TBX20: variants seen among roughly 807,000 people sequenced by gnomAD.
TBX20 encodes the protein T-box transcription factor TBX20.
TBX20 carries 8 observed loss-of-function variants against 42.9 expected under a neutral mutation model. That is an observed-to-expected ratio of 0.19 (90% CI 0.11 to 0.34). The LOEUF is 0.34. Among genes scored for constraint, TBX20 ranks in the 10% least tolerant of loss-of-function variants. The pLI is 1.00. For synonymous variants in TBX20, 198 were observed against 222.8 expected (o/e 0.89, Z 0.99); for missense variants, 411 against 566.0 (o/e 0.73, Z 2.78).
intron 6 of TBX20, among the ~76,000 whole-genome samples, chr7:35,207,738 C>G (rs1789423560): frequency 6.6e-6 from 1 of 152,146 alleles, no homozygotes; most frequent in African/African-American, 2.4e-5. Context: ...AGAAGACTGT[C>G]CCTTCTCCAT....
At chr7:35,241,322 T>A (rs763217217) in intron 4 of TBX20, among the ~76,000 whole-genome samples, 1 of 152,276 alleles carries the variant, frequency 6.6e-6, no homozygotes, top group African/African-American at 2.4e-5. Flanking sequence ...GTTTTACCTA[T>A]TTTTAAAAAT....
chr7:35,222,295 T>G (rs1315155545), intron 6 of TBX20, among the ~76,000 whole-genome samples: 4 of 152,086 alleles, frequency 2.6e-5, no homozygotes, highest in East Asian at 1.9e-4. Context: ...ACATGGCACA[T>G]GTGGAGTGTT....
chr7:35,223,780 G>A (rs542807527), intron 6 of TBX20, among the ~76,000 whole-genome samples: 2 of 152,154 alleles, frequency 1.3e-5, no homozygotes, highest in South Asian at 2.1e-4. Flanking sequence ...GGAAAGAAAT[G>A]GGAAAAGAGA....
chr7:35,230,791 T>A (rs1293515220), intron 6 of TBX20, among the ~76,000 whole-genome samples: 1 of 152,120 alleles, frequency 6.6e-6, no homozygotes, highest in East Asian at 1.9e-4. Flanking sequence ...CATAAAAGAA[T>A]TAGTGTGTTT....
intron 6 of TBX20, among the ~76,000 whole-genome samples, chr7:35,207,139 A>T (rs552946798): frequency 2.0e-5 from 3 of 152,222 alleles, no homozygotes; most frequent in African/African-American, 7.2e-5. Context: ...CCATCAGTGT[A>T]TGAGAACTCC....
intron 3 of TBX20, among the ~76,000 whole-genome samples, chr7:35,246,745 T>G (rs2128715623): frequency 6.6e-6 from 1 of 152,288 alleles, no homozygotes; most frequent in South Asian, 2.1e-4. Flanking sequence ...ATAAAAATTA[T>G]CATCTCCCAA....
intron 4 of TBX20, among the ~76,000 whole-genome samples, chr7:35,242,231 T>G (rs947420765): frequency 6.6e-6 from 1 of 152,212 alleles, no homozygotes; most frequent in Non-Finnish European, 1.5e-5. Flanking sequence ...AATCGCTCGC[T>G]CTCTGTGCTG....
At chr7:35,248,536 T>C (rs1241374564) in intron 3 of TBX20, 141 bp downstream of exon 3, 10 of 875,728 alleles carry the variant, frequency 1.1e-5, no homozygotes, top group Non-Finnish European at 1.7e-5. Context: ...GTGTAGTCAA[T>C]CCTGGAGTGT....
intron 6 of TBX20, among the ~76,000 whole-genome samples, chr7:35,206,815 T>G (rs1352447779): frequency 6.6e-6 from 1 of 152,222 alleles, no homozygotes. Context: ...TTATCTGGCT[T>G]ATTTCACTCA....
rs768576088 is a variant in TBX20, at chr7:35,245,000, C to A, written c.603G>T (p.Val201=). The A allele has an allele frequency of 1.2e-6, 2 of 1,613,836 alleles. No homozygotes were observed. The highest frequency in any genetic ancestry group is 1.7e-6 in the Non-Finnish European group (2 of 1,179,798). The change falls in exon 4 of 8, where the codon GTG becomes GTT. Residue 201 remains valine, a synonymous_variant. Transcript: ENST00000408931. ...TGGTGAGTTTCACCTTTTCAAAAGA[C>A]ACCATCTGTTTGAGTAGTTGCTCAC... is the stretch of plus-strand genomic sequence containing the variant. ...FTGEQLLKQM[V]SFEKVKLTNN... is the part of the protein sequence containing the mutation.
At chr7:35,253,457 C>T (rs765940507) in intron 1 of TBX20, 37 bp downstream of exon 1, 2 of 1,594,516 alleles carry the variant, frequency 1.3e-6, no homozygotes, top group East Asian at 4.6e-5. Context: ...GCGCAGCATC[C>T]CCAGTCCTCG....
intron 1 of TBX20, 65 bp downstream of exon 1, chr7:35,253,429 C>T: frequency 1.3e-6 from 2 of 1,564,458 alleles, no homozygotes; most frequent in South Asian, 1.2e-5. Context: ...CCGCCTGCAG[C>T]CAGGGGCACA....
rs1391262019 is a variant in TBX20, at chr7:35,238,634, G to A, written c.813+2245C>T. Reference sequence around the variant, plus strand: ...GGAGCCTATGATATTTGCATTCCACGTGCCCTCAAATAAATTAAAAACAGG... The same window carrying A: ...GGAGCCTATGATATTTGCATTCCACATGCCCTCAAATAAATTAAAAACAGG... On this transcript the variant is annotated intron_variant, in intron 5 of 7. Coordinates refer to ENST00000408931, the MANE Select transcript of TBX20 (RefSeq NM_001077653.2). 3.9e-5 allele frequency among the ~76,000 whole-genome samples: 6 copies of A among 152,132 alleles called. No individual in the cohort carries two copies. The East Asian group carries it at 7.7e-4, about 19-fold the overall frequency.
intron 6 of TBX20, among the ~76,000 whole-genome samples, chr7:35,224,555 C>G (rs1259338319): frequency 6.6e-6 from 1 of 152,144 alleles, no homozygotes; most frequent in Non-Finnish European, 1.5e-5. Flanking sequence ...GCCTGTAATC[C>G]CAGCTACTAG....
In TBX20 at chr7:35,249,150, T is replaced by G. The variant is rs147855718; in HGVS notation, c.381-309A>C. ...AGGTCTGTGATTAGGGAAAATCCCATGCATTTTAACGATCAAGCACATTAA... is the reference window on the plus strand; with the variant it reads ...AGGTCTGTGATTAGGGAAAATCCCAGGCATTTTAACGATCAAGCACATTAA... On this transcript the variant is annotated intron_variant, in intron 2 of 7. Coordinates refer to ENST00000408931, the MANE Select transcript of TBX20 (RefSeq NM_001077653.2). This position sits in a 1 kb window ranked among gnomAD's most constrained non-coding sequence, Gnocchi z 4.3. Among the ~76,000 whole-genome samples the G allele has an allele frequency of 2.2e-3, 335 of 152,282 alleles. 1 individual carries two copies. The highest frequency in any genetic ancestry group is 7.8e-3 in the African/African-American group (324 of 41,550).
intron 6 of TBX20, among the ~76,000 whole-genome samples, chr7:35,208,763 A>C: frequency 6.7e-6 from 1 of 148,152 alleles, no homozygotes; most frequent in Non-Finnish European, 1.5e-5. Context: ...AAAAAAAAAA[A>C]AAAAAAAAAA....
In TBX20 at chr7:35,244,655, C is replaced by T. The variant is rs550163102; in HGVS notation, c.654+294G>A. ...TAGCAGCCTCCAAAAATGTATATTC[C>T]CTTAGTTTAGTTGGCTCGGGTGGTA... On this transcript the variant is annotated intron_variant, in intron 4 of 7. Coordinates refer to ENST00000408931, the MANE Select transcript of TBX20 (RefSeq NM_001077653.2). 2.2e-3 allele frequency among the ~76,000 whole-genome samples: 334 copies of T among 152,250 alleles called. 1 individual carries two copies. Among genetic ancestry groups the T allele is most frequent in the African/African-American group, 7.8e-3 (323 of 41,548 alleles).
At position 35,240,992 on chromosome 7, in the gene TBX20, T is replaced by C. The variant is rs1435982883; in HGVS notation, c.700A>G (p.Ile234Val). ...MHKYQPRVHIIKKKDHTASLL... is the reference protein window; with the variant it reads ...MHKYQPRVHIVKKKDHTASLL... ...GAGGCTGTGTGGTCTTTCTTCTTAA[T>C]GATGTGCACCCTTGGCTGGTACTTA... The change falls in exon 5 of 8, where the codon ATT becomes GTT. Residue 234 changes from isoleucine (I) to valine (V), a missense_variant. This residue lies in a region of TBX20 where 121 missense variants were observed against 165.9 expected (regional missense o/e 0.73). Coordinates refer to ENST00000408931, the MANE Select transcript of TBX20 (RefSeq NM_001077653.2). 6.2e-7 allele frequency: 1 copy of C among 1,613,870 alleles called. No homozygotes were observed. Among genetic ancestry groups the C allele is most frequent in the Admixed American group, 1.7e-5 (1 of 60,018 alleles).
chr7:35,225,148 C>T (rs1789748102), intron 6 of TBX20, among the ~76,000 whole-genome samples: 1 of 152,014 alleles, frequency 6.6e-6, no homozygotes, highest in Non-Finnish European at 1.5e-5. Flanking sequence ...GGCACAATGC[C>T]AGAGACACAG....
Sources: allele counts gnomAD v4.1 joint callset (sites outside exome capture counted in the v4.1 genomes callset), GRCh38; gene constraint gnomAD v4.1.1; regional missense constraint gnomAD v4.1.1; non-coding constraint Gnocchi (gnomAD v3.1); transcripts MANE v1.5; gene names NCBI Gene and HGNC (gene_info 2026-07-23, HGNC 2026-07-21).